OLIG2: variants seen among roughly 807,000 people sequenced by gnomAD.
The protein encoded by OLIG2 is oligodendrocyte transcription factor 2.
A neutral mutation model predicts 13.4 loss-of-function variants in OLIG2; 12 were observed. That is an observed-to-expected ratio of 0.90 (90% confidence interval 0.58 to 1.46). The LOEUF is 1.46. Among genes scored for constraint, OLIG2 ranks in the 40% most tolerant of loss-of-function variants. OLIG2 has a pLI of 0.00. For missense variants in OLIG2, 415 were observed against 487.9 expected (o/e 0.85, Z 1.41); for synonymous variants, 250 against 233.6 (o/e 1.07, Z -0.64).
rs1275290416 is a variant in OLIG2 at position 33,026,112 on chromosome 21, T to C, written c.-63+86T>C. Reference sequence around the variant, plus strand: ...TCGGCTGTGACCCAGAATGCTCCGATACAGGGGGTCTGGATCCCTACTCTG... The same window carrying C: ...TCGGCTGTGACCCAGAATGCTCCGACACAGGGGGTCTGGATCCCTACTCTG... On this transcript the variant is annotated intron_variant, in intron 1 of 1. Transcript: ENST00000382357. This position sits in a 1 kb window ranked among gnomAD's most constrained non-coding sequence, Gnocchi z 6.6. 6.6e-6 allele frequency: 1 copy of C among 152,452 alleles called. No individual in the cohort carries two copies. The highest frequency in any genetic ancestry group is 1.5e-5 in the Non-Finnish European group (1 of 68,252). 9.4% of individuals were successfully genotyped at this position (152,452 alleles called of 1,614,324 possible).
In OLIG2 at chr21:33,027,871, C is replaced by A; in HGVS notation, c.*37C>A. 7.4e-7 allele frequency: 1 copy of A among 1,359,816 alleles called. No homozygotes were observed. Among genetic ancestry groups the A allele is most frequent in the Non-Finnish European group, 9.4e-7 (1 of 1,061,902 alleles). The allele number at this position is 1,359,816 out of a possible 1,614,324, so 84.2% of individuals were successfully genotyped here. A position where few individuals can be genotyped will look rare whatever the true frequency, so the allele number is the denominator to read the frequency against. On this transcript the variant is annotated 3_prime_UTR_variant, in exon 2 of 2. Transcript: ENST00000382357. The stretch of plus-strand genomic sequence containing the variant: ...CCGGCGCGTTCTGGCGACAGGGGAG[C>A]CAGGGGCCGCGGGGAAGCGAGGACT...
At position 33,027,510 on chromosome 21, in the gene OLIG2, G is replaced by A. The variant is rs551930733; in HGVS notation, c.648G>A (p.Ala216=). ...AAAAHAAHHP[A]VHHPILPPAA... ...CAGCGCACGCCGCACATCACCCCGCGGTGCACCACCCCATCCTGCCGCCCG... is the reference window on the plus strand; with the variant it reads ...CAGCGCACGCCGCACATCACCCCGCAGTGCACCACCCCATCCTGCCGCCCG... Residue 216 remains alanine (A), a synonymous_variant, in exon 2 of 2, where the codon GCG becomes GCA. Coordinates refer to ENST00000382357, the MANE Select transcript of OLIG2 (RefSeq NM_005806.4). 373 of 1,480,114 alleles carry A rather than the reference G, an allele frequency of 2.5e-4. No homozygotes were observed. In the African/African-American group the frequency reaches 4.7e-3, roughly 19 times the overall value. The allele number at this position is 1,480,114 out of a possible 1,614,324, so 91.7% of individuals were successfully genotyped here.
Position 33,029,050 on chromosome 21 carries a change from C to G in OLIG2, c.*1216C>G, listed in dbSNP as rs1432439560. ...GTAGCGTCTGCCGTGTAACACCCTT[C>G]CTCTGATCGCACCGCCCCTCGCAGA... On this transcript the variant is annotated 3_prime_UTR_variant, in exon 2 of 2. Transcript: ENST00000382357. The G allele has an allele frequency of 8.3e-6, 2 of 240,070 alleles. No homozygotes were observed. The highest frequency in any genetic ancestry group is 2.2e-5 in the African/African-American group (1 of 44,892). 14.9% of individuals were successfully genotyped at this position (240,070 alleles called of 1,614,324 possible).
Position 33,028,054 on chromosome 21 carries a change from G to C in OLIG2, c.*220G>C. ...GGGATGTTCTCTCCGGGACCTGATC[G>C]AGCGCTGTCTGGCTTTAACCTGAGC... On this transcript the variant is annotated 3_prime_UTR_variant, in exon 2 of 2. Coordinates refer to ENST00000382357, the MANE Select transcript of OLIG2 (RefSeq NM_005806.4). 2.2e-6 allele frequency: 1 copy of C among 459,376 alleles called. No individual in the cohort carries two copies. Among genetic ancestry groups the C allele is most frequent in the South Asian group, 6.7e-5 (1 of 14,904 alleles). The allele number at this position is 459,376 out of a possible 1,614,324, so 28.5% of individuals were successfully genotyped here. A position where few individuals can be genotyped will look rare whatever the true frequency, so the allele number is the denominator to read the frequency against.
rs1277966353 is a variant in OLIG2 at position 33,027,539 on chromosome 21, C to T, written c.677C>T (p.Ala226Val). Residue 226 changes from alanine (A) to valine (V), a missense_variant, in exon 2 of 2, where the codon GCC becomes GTC. Around this residue, in one of 3 missense-constraint regions of OLIG2, gnomAD observed 243 missense variants for 241.2 expected, o/e 1.01. Transcript: ENST00000382357. The part of the protein sequence containing the change: ...AVHHPILPPA[A>V]AAAAAAAAAA... ...CACCACCCCATCCTGCCGCCCGCCGCCGCAGCGGCTGCTGCCGCCGCTGCA... is the reference window on the plus strand; with the variant it reads ...CACCACCCCATCCTGCCGCCCGCCGTCGCAGCGGCTGCTGCCGCCGCTGCA... The T allele has an allele frequency of 1.4e-6, 2 of 1,473,958 alleles. No individual in the cohort carries two copies. The highest frequency in any genetic ancestry group is 2.9e-5 in the African/African-American group (2 of 68,080). The allele number at this position is 1,473,958 out of a possible 1,614,324, so 91.3% of individuals were successfully genotyped here. A position where few individuals can be genotyped will look rare whatever the true frequency, so the allele number is the denominator to read the frequency against.
rs774234409 is a variant in OLIG2 at position 33,026,874 on chromosome 21, CGCCAGCCTGGTG to C, written c.13_24del (p.Ala5_Val8del). On this transcript the variant is annotated inframe_deletion, in exon 2 of 2. Transcript: ENST00000382357. This position sits in a 1 kb window ranked among gnomAD's most constrained non-coding sequence, Gnocchi z 6.6. Reference sequence around the variant, plus strand: ...CTTCCCCTGGGGCCATGGACTCGGACGCCAGCCTGGTGTCCAGCCGCCCGTCGTCGCCAGAGC... The same window carrying C: ...CTTCCCCTGGGGCCATGGACTCGGACTCCAGCCGCCCGTCGTCGCCAGAGC... The C allele has an allele frequency of 3.1e-6, 5 of 1,609,892 alleles. No homozygotes were observed. In the East Asian group the frequency reaches 1.1e-4, roughly 36 times the overall value.
At position 33,027,770 on chromosome 21, in the gene OLIG2, C is replaced by A; in HGVS notation, c.908C>A (p.Pro303Gln). Residue 303 changes from proline (P) to glutamine (Q), a missense_variant, in exon 2 of 2, where the codon CCG becomes CAG. By Grantham distance (76) the Pro-to-Gln change is moderately conservative. This residue lies in a region of OLIG2 where 243 missense variants were observed against 241.2 expected (regional missense o/e 1.01). Coordinates refer to ENST00000382357, the MANE Select transcript of OLIG2 (RefSeq NM_005806.4). ...TGCAGCATGTGCCAGGTGCCGCCGC[C>A]GCACCACCACGTGTCGGCTATGGGC... ...CPCSMCQVPPPHHHVSAMGAG... is the reference protein window; with the variant it reads ...CPCSMCQVPPQHHHVSAMGAG... 1 of 1,419,806 alleles carries A rather than the reference C, an allele frequency of 7.0e-7. No homozygotes were observed. Among genetic ancestry groups the A allele is most frequent in the South Asian group, 1.4e-5 (1 of 69,404 alleles). 88.0% of individuals were successfully genotyped at this position (1,419,806 alleles called of 1,614,324 possible). A position where few individuals can be genotyped will look rare whatever the true frequency, so the allele number is the denominator to read the frequency against.
chr21:33,026,666 A>G lies in OLIG2; in HGVS notation c.-62-135A>G. ...CGAGGGGGACGAGGAGCCACGGGCC[A>G]CCTGTGCCGGGACCCCGCGCTGTGG... On this transcript the variant is annotated intron_variant, in intron 1 of 1. Coordinates refer to ENST00000382357, the MANE Select transcript of OLIG2 (RefSeq NM_005806.4). The surrounding 1 kb of genome is among the most constrained non-coding windows in gnomAD (Gnocchi z 6.6). 1 of 655,552 alleles carries G rather than the reference A, an allele frequency of 1.5e-6. No individual in the cohort carries two copies. The highest frequency in any genetic ancestry group is 2.6e-6 in the Non-Finnish European group (1 of 390,088). The allele number at this position is 655,552 out of a possible 1,614,324, so 40.6% of individuals were successfully genotyped here. A position where few individuals can be genotyped will look rare whatever the true frequency, so the allele number is the denominator to read the frequency against.
In OLIG2 at chr21:33,027,526, C is replaced by T; in HGVS notation, c.664C>T (p.Leu222=). 6.8e-7 allele frequency: 1 copy of T among 1,474,662 alleles called. No homozygotes were observed. Among genetic ancestry groups the T allele is most frequent in the Non-Finnish European group, 8.9e-7 (1 of 1,117,892 alleles). The allele number at this position is 1,474,662 out of a possible 1,614,324, so 91.3% of individuals were successfully genotyped here. Residue 222 remains leucine, a synonymous_variant, in exon 2 of 2, where the codon CTG becomes TTG. Coordinates refer to ENST00000382357, the MANE Select transcript of OLIG2 (RefSeq NM_005806.4). ...AHHPAVHHPI[L]PPAAAAAAAA... The stretch of plus-strand genomic sequence containing the variant: ...TCACCCCGCGGTGCACCACCCCATC[C>T]TGCCGCCCGCCGCCGCAGCGGCTGC...
Position 33,026,782 on chromosome 21 carries a change from TCTC to T in OLIG2, c.-62-12_-62-10del, listed in dbSNP as rs530182400. The T allele has an allele frequency of 5.3e-3, 8,106 of 1,520,228 alleles. 32 individuals are homozygous for T. The highest frequency in any genetic ancestry group is 6.5e-3 in the Non-Finnish European group (7,322 of 1,124,318). 94.2% of individuals were successfully genotyped at this position (1,520,228 alleles called of 1,614,324 possible). On this transcript the variant is annotated splice_polypyrimidine_tract_variant and intron_variant, in intron 1 of 1. Transcript: ENST00000382357. The surrounding 1 kb of genome is among the most constrained non-coding windows in gnomAD (Gnocchi z 6.6). Reference sequence around the variant, plus strand: ...TCTCTCTCTCTCATTCTCTCTCTTTTCTCCTCCTCTCCTGGAAGTTTTCGGGTC... The same window carrying T: ...TCTCTCTCTCTCATTCTCTCTCTTTTCTCCTCTCCTGGAAGTTTTCGGGTC...
chr21:33,026,786 C>A lies in OLIG2; in HGVS notation c.-62-15C>A. 1 of 1,532,928 alleles carries A rather than the reference C, an allele frequency of 6.5e-7. No individual in the cohort carries two copies. The highest frequency in any genetic ancestry group is 8.8e-7 in the Non-Finnish European group (1 of 1,132,724). The allele number at this position is 1,532,928 out of a possible 1,614,324, so 95.0% of individuals were successfully genotyped here. A position where few individuals can be genotyped will look rare whatever the true frequency, so the allele number is the denominator to read the frequency against. ...TCTCTCTCATTCTCTCTCTTTTCTC[C>A]TCCTCTCCTGGAAGTTTTCGGGTCC... On this transcript the variant is annotated splice_polypyrimidine_tract_variant and intron_variant, in intron 1 of 1. Transcript: ENST00000382357. The surrounding 1 kb of genome is among the most constrained non-coding windows in gnomAD (Gnocchi z 6.6).
chr21:33,026,646 G>C lies in OLIG2; in HGVS notation c.-62-155G>C. 1 of 603,454 alleles carries C rather than the reference G, an allele frequency of 1.7e-6. No homozygotes were observed. The allele number at this position is 603,454 out of a possible 1,614,324, so 37.4% of individuals were successfully genotyped here. A position where few individuals can be genotyped will look rare whatever the true frequency, so the allele number is the denominator to read the frequency against. On this transcript the variant is annotated intron_variant, in intron 1 of 1. Transcript: ENST00000382357. The surrounding 1 kb of genome is among the most constrained non-coding windows in gnomAD (Gnocchi z 6.6). ...AGGAGGGCCAGAGATAGTAGCGAGGGGGACGAGGAGCCACGGGCCACCTGT... is the reference window on the plus strand; with the variant it reads ...AGGAGGGCCAGAGATAGTAGCGAGGCGGACGAGGAGCCACGGGCCACCTGT...
rs572529569 is a variant in OLIG2, at chr21:33,028,597, T to G, written c.*763T>G. ...TTATAGACATTCAGAGTAGAACCAC[T>G]TGTGGATTGGAATAACCCAAAACTG... On this transcript the variant is annotated 3_prime_UTR_variant, in exon 2 of 2. Transcript: ENST00000382357. The G allele has an allele frequency of 5.5e-4, 133 of 240,082 alleles. No homozygotes were observed. Among genetic ancestry groups the G allele is most frequent in the Non-Finnish European group, 1.0e-3 (113 of 113,254 alleles). The allele number at this position is 240,082 out of a possible 1,614,324, so 14.9% of individuals were successfully genotyped here.
Position 33,028,166 on chromosome 21 carries a change from GA to G in OLIG2, c.*336del. The G allele has an allele frequency of 3.3e-6, 1 of 301,882 alleles. No individual in the cohort carries two copies. The allele number at this position is 301,882 out of a possible 1,614,324, so 18.7% of individuals were successfully genotyped here. A position where few individuals can be genotyped will look rare whatever the true frequency, so the allele number is the denominator to read the frequency against. ...TCCGACCCCCGACCCCCACCTCCGGGAAAAGATTCTAAAAACTTCTTTCCCT... is the reference window on the plus strand; with the variant it reads ...TCCGACCCCCGACCCCCACCTCCGGGAAAGATTCTAAAAACTTCTTTCCCT... On this transcript the variant is annotated 3_prime_UTR_variant, in exon 2 of 2. Coordinates refer to ENST00000382357, the MANE Select transcript of OLIG2 (RefSeq NM_005806.4).
Position 33,026,830 on chromosome 21 carries a change from C to A in OLIG2, c.-33C>A, listed in dbSNP as rs759344916. On this transcript the variant is annotated 5_prime_UTR_variant, in exon 2 of 2. Coordinates refer to ENST00000382357, the MANE Select transcript of OLIG2 (RefSeq NM_005806.4). This position sits in a 1 kb window ranked among gnomAD's most constrained non-coding sequence, Gnocchi z 6.6. ...CGGGTCCGAGGGAAGGAGGACCCTG[C>A]GAAAGCTGCGACGACTATCTTCCCC... The A allele has an allele frequency of 2.2e-5, 36 of 1,600,876 alleles. No homozygotes were observed. The highest frequency in any genetic ancestry group is 4.5e-5 in the East Asian group (2 of 44,808).
chr21:33,027,156 GAAGC>G lies in OLIG2; in HGVS notation c.297_300del (p.Gln100Ter). The stretch of plus-strand genomic sequence containing the variant: ...CTGCGTCGTCCACCAAGAAGGACAA[GAAGC>G]AAATGACAGAGCCGGAGCTGCAGCA... On this transcript the variant is annotated frameshift_variant, in exon 2 of 2. Transcript: ENST00000382357. LOFTEE classifies it high-confidence loss of function. 6.2e-7 allele frequency: 1 copy of G among 1,611,682 alleles called. No homozygotes were observed. The highest frequency in any genetic ancestry group is 8.5e-7 in the Non-Finnish European group (1 of 1,179,310).
rs748614780 is a variant in OLIG2, at chr21:33,027,624, C to T, written c.762C>T (p.Ile254=). 3.4e-6 allele frequency: 5 copies of T among 1,475,470 alleles called. 1 individual carries two copies. The South Asian group carries it at 6.4e-5, about 19-fold the overall frequency. The allele number at this position is 1,475,470 out of a possible 1,614,324, so 91.4% of individuals were successfully genotyped here. ...PGSGLPSVGS[I]RPPHGLLKSP... ...CCGGGCTGCCGTCGGTCGGCTCCAT[C>T]CGTCCACCGCACGGCCTACTCAAGT... Residue 254 remains isoleucine (I), a synonymous_variant, in exon 2 of 2, where the codon ATC becomes ATT. Coordinates refer to ENST00000382357, the MANE Select transcript of OLIG2 (RefSeq NM_005806.4).
rs567610213 is a variant in OLIG2, at chr21:33,028,238, G to C, written c.*404G>C. On this transcript the variant is annotated 3_prime_UTR_variant, in exon 2 of 2. Coordinates refer to ENST00000382357, the MANE Select transcript of OLIG2 (RefSeq NM_005806.4). ...AGACTCGGCTTGGGCAGCACTTCGG[G>C]GGGGGAGGGGGTGTTATGGGAGGGG... The C allele has an allele frequency of 1.9e-4, 48 of 249,140 alleles. No homozygotes were observed. The highest frequency in any genetic ancestry group is 6.1e-4 in the Admixed American group (11 of 17,888). 15.4% of individuals were successfully genotyped at this position (249,140 alleles called of 1,614,324 possible).
In OLIG2 at chr21:33,027,950, C is replaced by CCCCCAGTCCA; in HGVS notation, c.*116_*117insCCCCAGTCCA. 8.5e-7 allele frequency: 1 copy of CCCCCAGTCCA among 1,178,994 alleles called. No individual in the cohort carries two copies. The highest frequency in any genetic ancestry group is 1.1e-6 in the Non-Finnish European group (1 of 904,202). 73.0% of individuals were successfully genotyped at this position (1,178,994 alleles called of 1,614,324 possible). On this transcript the variant is annotated 3_prime_UTR_variant, in exon 2 of 2. Coordinates refer to ENST00000382357, the MANE Select transcript of OLIG2 (RefSeq NM_005806.4). ...GCGAGGAGGGGCGCAGGACCATGGA[C>CCCCCAGTCCA]TGGGGGTGGGGCATGGTGGGGATTC...
Sources: gnomAD v4.1 joint callset for allele counts on GRCh38, gnomAD v4.1.1 for gene constraint, gnomAD v4.1.1 regional missense constraint, Gnocchi (gnomAD v3.1) non-coding constraint, MANE v1.5 for transcripts, NCBI Gene and HGNC (gene_info 2026-07-23, HGNC 2026-07-21) for gene names.